The following RIMS2 variants were observed in gnomAD, a reference collection of about 807,000 sequenced individuals.
The protein encoded by RIMS2 is regulating synaptic membrane exocytosis 2.
RIMS2 carries 59 observed loss-of-function variants against 174.4 expected under a neutral mutation model. The observed-to-expected ratio is 0.34, with a 90% CI of 0.27 to 0.42. The LOEUF (loss-of-function observed/expected upper bound fraction) is 0.42. RIMS2 is among the 10% of genes least tolerant of loss of function. RIMS2 has a pLI of 1.00. For synonymous variants in RIMS2, 606 were observed against 572.5 expected, an observed-to-expected ratio of 1.06 and a Z score of -0.84; for missense variants, 1,620 against 1,666.3, an observed-to-expected ratio of 0.97 and a Z score of 0.48.
chr8:104,044,762 C>T (rs1317945869), intron 19 of RIMS2, among the ~76,000 whole-genome samples: 1 of 151,630 alleles, frequency 6.6e-6, no homozygotes, highest in Non-Finnish European at 1.5e-5. Context: ...ATTTCTGTTA[C>T]AGACCCCTAA....
At chr8:104,224,345 A>AT in intron 19 of RIMS2, among the ~76,000 whole-genome samples, 1 of 152,328 alleles carries the variant, frequency 6.6e-6, no homozygotes, top group East Asian at 1.9e-4. Flanking sequence ...TGCCATTGTA[A>AT]TTAAGCTAAT....
At chr8:104,213,491 G>A (rs193225873) in intron 19 of RIMS2, among the ~76,000 whole-genome samples, 1 of 152,314 alleles carries the variant, frequency 6.6e-6, no homozygotes, top group East Asian at 1.9e-4. Context: ...AGGAAAAGCA[G>A]TCATTCCCGT....
chr8:103,874,209 C>G (rs1311524120), intron 3 of RIMS2, among the ~76,000 whole-genome samples: 1 of 152,004 alleles, frequency 6.6e-6, no homozygotes, highest in Non-Finnish European at 1.5e-5. Flanking sequence ...AACAATAAAT[C>G]TATGTCTCAG....
intron 1 of RIMS2, among the ~76,000 whole-genome samples, chr8:103,540,702 C>A (rs1842160085): frequency 6.6e-6 from 1 of 152,020 alleles, no homozygotes; most frequent in Non-Finnish European, 1.5e-5. Context: ...GAGAAAGAAT[C>A]CAAAGTAATT....
intron 3 of RIMS2, among the ~76,000 whole-genome samples, chr8:103,777,425 T>C (rs563760662): frequency 1.3e-5 from 2 of 151,974 alleles, no homozygotes; most frequent in East Asian, 3.9e-4. Flanking sequence ...GAATGAAAAA[T>C]GATCATCAAT....
chr8:103,591,369 C>T (rs981519455), intron 1 of RIMS2, among the ~76,000 whole-genome samples: 3 of 150,912 alleles, frequency 2.0e-5, no homozygotes, highest in Non-Finnish European at 1.5e-5. Flanking sequence ...CTTGTCTTCT[C>T]ATTTTCTTCA....
At chr8:103,837,306 C>T (rs1280119434) in intron 3 of RIMS2, among the ~76,000 whole-genome samples, 3 of 152,178 alleles carry the variant, frequency 2.0e-5, no homozygotes, top group Non-Finnish European at 2.9e-5. Flanking sequence ...CCCAGTTCTT[C>T]GCAGTTATGC....
chr8:103,647,443 T>A (rs552384187), intron 1 of RIMS2, among the ~76,000 whole-genome samples: 2 of 152,296 alleles, frequency 1.3e-5, no homozygotes, highest in East Asian at 3.9e-4. Flanking sequence ...CCTCATAGAA[T>A]GAGTTAGAGG....
At chr8:104,003,757 T>A in intron 17 of RIMS2, among the ~76,000 whole-genome samples, 1 of 152,012 alleles carries the variant, frequency 6.6e-6, no homozygotes, top group East Asian at 1.9e-4. Context: ...GGAACTTAGA[T>A]CAAAGACTGT....
chr8:104,054,689 G>T (rs1426104224), intron 19 of RIMS2, among the ~76,000 whole-genome samples: 3 of 152,008 alleles, frequency 2.0e-5, no homozygotes, highest in Non-Finnish European at 2.9e-5. Flanking sequence ...CTTCTTATCT[G>T]TTCTTATATT....
chr8:103,526,614 A>T (rs1722857683), intron 1 of RIMS2, among the ~76,000 whole-genome samples: 1 of 152,222 alleles, frequency 6.6e-6, no homozygotes, highest in African/African-American at 2.4e-5. Context: ...GAAAATTAAA[A>T]GCAAAAAAAG....
At chr8:104,245,719 ACTGGC>A (rs1168003018) in intron 20 of RIMS2, among the ~76,000 whole-genome samples, 8 of 152,354 alleles carry the variant, frequency 5.3e-5, no homozygotes, top group African/African-American at 1.9e-4. Context: ...AATGGGGTTT[ACTGGC>A]CTCACTGTCA....
intron 1 of RIMS2, among the ~76,000 whole-genome samples, chr8:103,636,702 C>T (rs187552481): frequency 6.6e-6 from 1 of 151,820 alleles, no homozygotes; most frequent in African/African-American, 2.4e-5. Flanking sequence ...CCCTTCCTTT[C>T]CTTTCCTTGA....
chr8:103,960,102 C>T (rs1232024461), intron 14 of RIMS2, among the ~76,000 whole-genome samples: 3 of 152,044 alleles, frequency 2.0e-5, no homozygotes, highest in African/African-American at 4.8e-5. Context: ...ATTGATAGAC[C>T]GCTAGCAAGA....
chr8:104,070,413 AT>A (rs1425112989), intron 19 of RIMS2, among the ~76,000 whole-genome samples: 2 of 152,256 alleles, frequency 1.3e-5, no homozygotes, highest in Non-Finnish European at 2.9e-5. Flanking sequence ...TTTCACTAAA[AT>A]GAAAATATGA....
chr8:103,628,328 T>C (rs1309814440), intron 1 of RIMS2, among the ~76,000 whole-genome samples: 2 of 148,518 alleles, frequency 1.3e-5, no homozygotes, highest in Non-Finnish European at 3.0e-5. Flanking sequence ...AGAAAACCCC[T>C]GGGAGTGAGT....
chr8:103,896,529 T>C (rs895208084), intron 4 of RIMS2, among the ~76,000 whole-genome samples: 40 of 151,734 alleles, frequency 2.6e-4, no homozygotes, highest in Admixed American at 2.5e-3. Flanking sequence ...TCAAGACTTA[T>C]ACTTGATTTT....
intron 1 of RIMS2, among the ~76,000 whole-genome samples, chr8:103,678,846 A>G (rs2096845929): frequency 6.6e-6 from 1 of 152,100 alleles, no homozygotes; most frequent in Admixed American, 6.6e-5. Context: ...TAAGATAGAA[A>G]AATTTGAGTT....
intron 14 of RIMS2, among the ~76,000 whole-genome samples, chr8:103,952,533 G>A (rs968511560): frequency 3.3e-5 from 5 of 152,120 alleles, no homozygotes; most frequent in Non-Finnish European, 7.4e-5. Flanking sequence ...ACTGTTGGAA[G>A]GAAACCGACA....
Sources: allele counts gnomAD v4.1 joint callset (sites outside exome capture counted in the v4.1 genomes callset), GRCh38; gene constraint gnomAD v4.1.1; transcripts MANE v1.5; gene names NCBI Gene and HGNC (gene_info 2026-07-23, HGNC 2026-07-21).